The following AFAP1L2 variants were observed in gnomAD, a reference collection of about 807,000 sequenced individuals.
The protein encoded by AFAP1L2 is actin filament associated protein 1 like 2.
A neutral mutation model predicts 99.3 loss-of-function variants in AFAP1L2; 46 were observed. The ratio of observed to expected loss-of-function variants is 0.46; its 90% CI spans 0.37 to 0.59. The LOEUF (loss-of-function observed/expected upper bound fraction) is 0.59. Ranked by LOEUF, AFAP1L2 falls within the 20% of genes least tolerant of loss-of-function variation. AFAP1L2 has a pLI of 0.00. For synonymous variants in AFAP1L2, 397 were observed against 419.1 expected (o/e 0.95, Z 0.64); for missense variants, 959 against 1,034.9 (o/e 0.93, Z 1.01).
chr10:114,357,715 T>C (rs1479612802), intron 1 of AFAP1L2, among the ~76,000 whole-genome samples: 1 of 152,206 alleles, frequency 6.6e-6, no homozygotes, highest in African/African-American at 2.4e-5. Flanking sequence ...GAAGAATGCA[T>C]GTTGCAATTC....
chr10:114,314,097 CG>C (rs759775307), intron 6 of AFAP1L2, 47 bp from the exon 7 acceptor site: 2 of 1,570,440 alleles, frequency 1.3e-6, no homozygotes, highest in African/African-American at 1.3e-5. Context: ...GGGTGCCGGG[CG>C]GAGGTGATGT....
At chr10:114,312,234 AGTGTGTGTGTGTGTGTGTGTGT>A (rs58275552) in intron 7 of AFAP1L2, among the ~76,000 whole-genome samples, 149 of 145,612 alleles carry the variant, frequency 1.0e-3, no homozygotes, top group African/African-American at 3.5e-3. Context: ...GCAAGAGCAG[AGTGTGTGTGTGTGTGTGTGTGT>A]GTGTGTGTGT....
chr10:114,305,878 G>A (rs2042241334), intron 10 of AFAP1L2, among the ~76,000 whole-genome samples: 3 of 130,096 alleles, frequency 2.3e-5, no homozygotes, highest in Admixed American at 7.8e-5. Context: ...AGGAGGGGGC[G>A]CAGGGGCAGG....
At chr10:114,364,644 T>TTTCCAA (rs2052938757) in intron 1 of AFAP1L2, among the ~76,000 whole-genome samples, 1 of 152,150 alleles carries the variant, frequency 6.6e-6, no homozygotes, top group South Asian at 2.1e-4. Context: ...CTAAGACCCT[T>TTTCCAA]TTCCAATCAC....
intron 1 of AFAP1L2, among the ~76,000 whole-genome samples, chr10:114,382,318 G>A (rs549580545): frequency 2.1e-4 from 31 of 150,920 alleles, no homozygotes; most frequent in Admixed American, 7.3e-4. Context: ...AAAGAACACA[G>A]CAGCATATCT....
At chr10:114,400,927 G>A (rs1405195324) in intron 1 of AFAP1L2, among the ~76,000 whole-genome samples, 2 of 152,108 alleles carry the variant, frequency 1.3e-5, no homozygotes, top group African/African-American at 2.4e-5. Flanking sequence ...ACCTGAGTTC[G>A]TAGGCATTGA....
chr10:114,309,124 C>T (rs999858858), intron 8 of AFAP1L2, among the ~76,000 whole-genome samples: 3 of 152,096 alleles, frequency 2.0e-5, no homozygotes, highest in Non-Finnish European at 4.4e-5. Context: ...AGAGAGTCAC[C>T]GACTCCATAC....
intron 1 of AFAP1L2, among the ~76,000 whole-genome samples, chr10:114,368,767 AAC>A (rs34854872): frequency 0.083 from 11,628 of 140,482 alleles, 504 homozygotes; most frequent in Non-Finnish European, 0.1. Flanking sequence ...GTGTCCTTAC[AAC>A]ACACACACAC....
intron 1 of AFAP1L2, among the ~76,000 whole-genome samples, chr10:114,380,116 G>A (rs938400535): frequency 6.6e-6 from 1 of 152,188 alleles, no homozygotes; most frequent in African/African-American, 2.4e-5. Flanking sequence ...TTAGCACTGG[G>A]TGATGACCAT....
Position 114,299,255 on chromosome 10 carries a change from C to G in AFAP1L2, c.2113+5G>C. The G allele has an allele frequency of 6.2e-7, 1 of 1,614,162 alleles. No homozygotes were observed. On this transcript the variant is annotated splice_donor_5th_base_variant and intron_variant, in intron 16 of 18. Coordinates refer to ENST00000304129, the MANE Select transcript of AFAP1L2 (RefSeq NM_001001936.3). The stretch of plus-strand genomic sequence containing the variant: ...AGGGTCCCTCCCCACTGGGGGCCCC[C>G]TTACCTGTGCATTTCAGTAGGGTTT...
At chr10:114,335,383 T>C (rs538566886) in intron 2 of AFAP1L2, among the ~76,000 whole-genome samples, 17 of 151,982 alleles carry the variant, frequency 1.1e-4, no homozygotes, top group African/African-American at 2.9e-4. Flanking sequence ...GAGGCCAAGG[T>C]GGGCGGATCA....
At chr10:114,387,069 G>T (rs2056594683) in intron 1 of AFAP1L2, among the ~76,000 whole-genome samples, 1 of 152,152 alleles carries the variant, frequency 6.6e-6, no homozygotes, top group Admixed American at 6.5e-5. Flanking sequence ...TCCATGGCCA[G>T]GGGAGTCTGC....
At chr10:114,343,695 A>G (rs1270947765) in intron 1 of AFAP1L2, among the ~76,000 whole-genome samples, 1 of 152,162 alleles carries the variant, frequency 6.6e-6, no homozygotes, top group Non-Finnish European at 1.5e-5. Context: ...ATCAGTTACT[A>G]TGGGCATCAC....
At chr10:114,365,123 C>A (rs1017918740) in intron 1 of AFAP1L2, among the ~76,000 whole-genome samples, 7 of 152,212 alleles carry the variant, frequency 4.6e-5, no homozygotes, top group Non-Finnish European at 1.0e-4. Context: ...CTCTGTGTAC[C>A]CTAACGTTCC....
chr10:114,341,429 G>A (rs779024200), intron 1 of AFAP1L2, among the ~76,000 whole-genome samples: 55 of 151,978 alleles, frequency 3.6e-4, no homozygotes, highest in Non-Finnish European at 5.9e-4. Flanking sequence ...CTGACCAACA[G>A]GGTGAAACCC....
chr10:114,310,994 C>G (rs971690282), intron 7 of AFAP1L2, among the ~76,000 whole-genome samples: 46 of 139,938 alleles, frequency 3.3e-4, no homozygotes, highest in Admixed American at 2.8e-3. Flanking sequence ...GGCCTCTTCA[C>G]TGGCTTCATT....
At chr10:114,398,934 G>A (rs562575329) in intron 1 of AFAP1L2, 18 of 1,304,058 alleles carry the variant, frequency 1.4e-5, no homozygotes, top group South Asian at 2.5e-5. Flanking sequence ...GGCTCAAGTC[G>A]GGAAAGCCAA....
At chr10:114,339,104 CTAT>C (rs1266119235) in intron 2 of AFAP1L2, among the ~76,000 whole-genome samples, 7 of 152,194 alleles carry the variant, frequency 4.6e-5, no homozygotes, top group African/African-American at 7.2e-5. Context: ...TAAGCCCTAG[CTAT>C]TATTATAATT....
At chr10:114,317,836 C>G (rs1889451) in intron 5 of AFAP1L2, among the ~76,000 whole-genome samples, 110,596 of 152,060 alleles carry the variant, frequency 0.73, 41,939 homozygotes, top group East Asian at 0.93. Flanking sequence ...CTCCAGCCTG[C>G]GCAACAGAGT....
Sources: allele counts gnomAD v4.1 joint callset (sites outside exome capture counted in the v4.1 genomes callset), GRCh38; gene constraint gnomAD v4.1.1; transcripts MANE v1.5; gene names NCBI Gene and HGNC (gene_info 2026-07-23, HGNC 2026-07-21).